MARCHF1: variants seen among roughly 807,000 people sequenced by gnomAD.
The protein encoded by MARCHF1 is E3 ubiquitin-protein ligase MARCHF1.
In MARCHF1, 40 loss-of-function variants were observed where a neutral mutation model predicts 54.2. That is an observed-to-expected ratio of 0.74 (90% CI 0.57 to 0.96). MARCHF1 has a LOEUF of 0.96. Among genes scored for constraint, MARCHF1 ranks in the 40% least tolerant of loss-of-function variants. The pLI is 0.00. For missense variants in MARCHF1, 586 were observed against 656.5 expected (o/e 0.89, Z 1.17); for synonymous variants, 236 against 236.3 (o/e 1.00, Z 0.01).
intron 2 of MARCHF1, among the ~76,000 whole-genome samples, chr4:164,025,341 T>C (rs374982135): frequency 1.1e-4 from 16 of 152,046 alleles, no homozygotes; most frequent in African/African-American, 3.6e-4. Context: ...ATGTGGCTCA[T>C]AAAGCGAGGA....
chr4:163,700,627 C>T (rs1744782293), intron 5 of MARCHF1, among the ~76,000 whole-genome samples, 186 bp downstream of exon 5: 3 of 151,742 alleles, frequency 2.0e-5, no homozygotes, highest in Admixed American at 2.0e-4. Flanking sequence ...AAAAAATAGC[C>T]TACTTATTTT....
At chr4:163,558,590 G>A (rs1427175934) in intron 8 of MARCHF1, among the ~76,000 whole-genome samples, 2 of 152,212 alleles carry the variant, frequency 1.3e-5, no homozygotes, top group African/African-American at 2.4e-5. Context: ...AGCCCGTATA[G>A]AGAGAGTCTG....
At chr4:164,237,242 G>A (rs994890943) in intron 1 of MARCHF1, among the ~76,000 whole-genome samples, 6 of 152,246 alleles carry the variant, frequency 3.9e-5, no homozygotes, top group African/African-American at 1.2e-4. Flanking sequence ...GAACACCCAA[G>A]TAAAATTACA....
At chr4:163,813,801 T>A (rs1748459384) in intron 4 of MARCHF1, among the ~76,000 whole-genome samples, 1 of 152,126 alleles carries the variant, frequency 6.6e-6, no homozygotes, top group Non-Finnish European at 1.5e-5. Context: ...AGCTGAGTGT[T>A]GGGAGAAGCT....
intron 3 of MARCHF1, among the ~76,000 whole-genome samples, chr4:163,868,159 C>G (rs569483929): frequency 6.6e-6 from 1 of 151,958 alleles, no homozygotes; most frequent in East Asian, 1.9e-4. Flanking sequence ...GGACCAAGAA[C>G]AGATCATAGC....
chr4:163,982,403 T>C (rs1752781178), intron 3 of MARCHF1, among the ~76,000 whole-genome samples: 1 of 152,220 alleles, frequency 6.6e-6, no homozygotes, highest in Non-Finnish European at 1.5e-5. Context: ...CGCAGGCTAT[T>C]CAAAAATTAA....
At chr4:163,911,493 A>C (rs2111335404) in intron 3 of MARCHF1, among the ~76,000 whole-genome samples, 1 of 152,266 alleles carries the variant, frequency 6.6e-6, no homozygotes, top group Admixed American at 6.5e-5. Flanking sequence ...CAGATCATCT[A>C]ATCATCCACT....
intron 1 of MARCHF1, among the ~76,000 whole-genome samples, chr4:164,372,636 A>AAT (rs1388624744): frequency 6.6e-6 from 1 of 152,150 alleles, no homozygotes; most frequent in Non-Finnish European, 1.5e-5. Context: ...ATCCTACTAT[A>AAT]ATATGGTAAA....
At chr4:164,142,352 C>T (rs1166206322) in intron 1 of MARCHF1, among the ~76,000 whole-genome samples, 1 of 152,166 alleles carries the variant, frequency 6.6e-6, no homozygotes, top group South Asian at 2.1e-4. Context: ...CCTCTGTAGG[C>T]TCCACCTCTG....
intron 2 of MARCHF1, among the ~76,000 whole-genome samples, chr4:164,038,714 T>C (rs971838664): frequency 2.0e-5 from 3 of 152,168 alleles, no homozygotes; most frequent in Non-Finnish European, 2.9e-5. Flanking sequence ...TCTTCATGTC[T>C]GTCTTGTATC....
At chr4:164,095,158 A>T (rs1401568976) in intron 2 of MARCHF1, among the ~76,000 whole-genome samples, 1 of 152,126 alleles carries the variant, frequency 6.6e-6, no homozygotes, top group East Asian at 1.9e-4. Flanking sequence ...CTCCTTGAGT[A>T]TAAATTGAGA....
At position 164,029,365 on chromosome 4, in the gene MARCHF1, C is replaced by T. The variant is rs185750660; in HGVS notation, c.-247-40656G>A. On this transcript the variant is annotated intron_variant, in intron 2 of 9. Transcript: ENST00000514618. ...GAAGGTGCCACACAATTTTAAATGA[C>T]CAGATGTCATGAGAGCCCACTCACT... Among the ~76,000 whole-genome samples, 45 of 151,820 alleles carry T rather than the reference C, an allele frequency of 3.0e-4. No individual in the cohort carries two copies. The East Asian group carries it at 5.1e-3, about 17-fold the overall frequency.
intron 2 of MARCHF1, among the ~76,000 whole-genome samples, chr4:164,071,688 AT>A (rs1359640918): frequency 1.3e-5 from 2 of 152,156 alleles, no homozygotes; most frequent in Non-Finnish European, 2.9e-5. Context: ...ACTTCTTTTT[AT>A]AAGATCTATC....
At chr4:164,220,693 C>A (rs1008547073) in intron 1 of MARCHF1, among the ~76,000 whole-genome samples, 9 of 108,496 alleles carry the variant, frequency 8.3e-5, no homozygotes, top group East Asian at 5.4e-4. Flanking sequence ...AATATATATG[C>A]TATATATGTA....
At chr4:163,848,417 T>C (rs148640415) in intron 4 of MARCHF1, among the ~76,000 whole-genome samples, 145 of 152,280 alleles carry the variant, frequency 9.5e-4, no homozygotes, top group African/African-American at 3.3e-3. Flanking sequence ...AGGAGTGTAA[T>C]TTTCTCTAGA....
chr4:164,046,070 C>G (rs937708701), intron 2 of MARCHF1, among the ~76,000 whole-genome samples: 3 of 152,142 alleles, frequency 2.0e-5, no homozygotes, highest in Non-Finnish European at 2.9e-5. Context: ...TCTCTAATTT[C>G]TAAATTAAAG....
chr4:163,854,304 G>A, intron 3 of MARCHF1, 135 bp from the exon 4 acceptor site: 1 of 609,016 alleles, frequency 1.6e-6, no homozygotes, highest in Non-Finnish European at 2.7e-6. Flanking sequence ...GGGGTTACAA[G>A]GAGGAAAAGA....
At chr4:163,737,214 A>ATTTT (rs200485998) in intron 4 of MARCHF1, among the ~76,000 whole-genome samples, 2 of 43,584 alleles carry the variant, frequency 4.6e-5, no homozygotes, top group Non-Finnish European at 1.1e-4. Flanking sequence ...ATTTTTTTTA[A>ATTTT]TTTTTTTTTT....
chr4:163,966,340 T>C lies in MARCHF1; in HGVS notation c.-39+22161A>G, dbSNP rs771464909. 9.2e-5 allele frequency among the ~76,000 whole-genome samples: 14 copies of C among 152,084 alleles called. No homozygotes were observed. In the South Asian group the frequency reaches 1.4e-3, roughly 16 times the overall value. ...TTTAGGGTATTAAATATGTTTTTCA[T>C]AGCTATAGCCTGTAAATTTTTACCT... On this transcript the variant is annotated intron_variant, in intron 3 of 9. Transcript: ENST00000514618.
Sources: gnomAD v4.1 joint callset for allele counts (sites outside exome capture counted in the v4.1 genomes callset) on GRCh38, gnomAD v4.1.1 for gene constraint, MANE v1.5 for transcripts, NCBI Gene and HGNC (gene_info 2026-07-23, HGNC 2026-07-21) for gene names.